The following KCNH7 variants were observed in gnomAD, a reference collection of about 807,000 sequenced individuals.
KCNH7 encodes potassium voltage-gated channel subfamily H member 7, also known as voltage-gated inwardly rectifying potassium channel KCNH7.
KCNH7 carries 49 observed loss-of-function variants against 120.8 expected under a neutral mutation model. The ratio of observed to expected loss-of-function variants is 0.41; its 90% CI spans 0.32 to 0.51. KCNH7 has a LOEUF of 0.51. KCNH7 is among the 20% of genes least tolerant of loss of function. The pLI is 0.38. For missense variants in KCNH7, 1,097 were observed against 1,446.6 expected (o/e 0.76, Z 3.92); for synonymous variants, 547 against 516.1 (o/e 1.06, Z -0.81).
intron 2 of KCNH7, among the ~76,000 whole-genome samples, chr2:162,809,388 C>T (rs1166613388): frequency 1.3e-5 from 2 of 152,134 alleles, no homozygotes; most frequent in South Asian, 2.1e-4. Context: ...CATTTTTTAA[C>T]TTGCAACACT....
At chr2:162,677,423 T>C (rs1685564033) in intron 2 of KCNH7, among the ~76,000 whole-genome samples, 1 of 151,416 alleles carries the variant, frequency 6.6e-6, no homozygotes, top group Admixed American at 6.6e-5. Context: ...CATACCTCAT[T>C]CAAGACCCCA....
In KCNH7 at chr2:162,792,430, T is replaced by C. The variant is rs866634137; in HGVS notation, c.307+44107A>G. On this transcript the variant is annotated intron_variant, in intron 2 of 15. Transcript: ENST00000332142. Reference sequence around the variant, plus strand: ...TCTGGCCCTGGCTTTTTTTGGTTAGTAAGCTATTTAATACTGACTCAATTT... The same window carrying C: ...TCTGGCCCTGGCTTTTTTTGGTTAGCAAGCTATTTAATACTGACTCAATTT... 2.6e-5 allele frequency among the ~76,000 whole-genome samples: 4 copies of C among 152,198 alleles called. No homozygotes were observed. The South Asian group carries it at 8.3e-4, about 31-fold the overall frequency.
chr2:162,778,103 A>C (rs1683322810), intron 2 of KCNH7, among the ~76,000 whole-genome samples: 1 of 152,156 alleles, frequency 6.6e-6, no homozygotes, highest in Non-Finnish European at 1.5e-5. Context: ...TTCTAAAAAA[A>C]TGAGGCTTTG....
chr2:162,531,305 A>G (rs1205290107), intron 3 of KCNH7, among the ~76,000 whole-genome samples: 3 of 151,992 alleles, frequency 2.0e-5, no homozygotes, highest in African/African-American at 7.2e-5. Flanking sequence ...TTTCAGTTTT[A>G]AACGGACACA....
chr2:162,712,524 T>A (rs1686963301), intron 2 of KCNH7, among the ~76,000 whole-genome samples: 3 of 152,154 alleles, frequency 2.0e-5, no homozygotes, highest in Non-Finnish European at 4.4e-5. Context: ...TCGTCTAAAC[T>A]CAGAATGGCT....
chr2:162,437,318 T>C (rs777597060), intron 7 of KCNH7, among the ~76,000 whole-genome samples: 1 of 152,120 alleles, frequency 6.6e-6, no homozygotes, highest in Admixed American at 6.6e-5. Flanking sequence ...TTTGGGGATG[T>C]TTAGAGAGGT....
chr2:162,481,605 C>A (rs1481958808), intron 6 of KCNH7, among the ~76,000 whole-genome samples: 1 of 152,100 alleles, frequency 6.6e-6, no homozygotes, highest in Non-Finnish European at 1.5e-5. Context: ...AGAGCAAGTG[C>A]AGAGTATATA....
At chr2:162,776,630 G>C (rs1312451249) in intron 2 of KCNH7, among the ~76,000 whole-genome samples, 1 of 152,090 alleles carries the variant, frequency 6.6e-6, no homozygotes, top group Non-Finnish European at 1.5e-5. Flanking sequence ...AGATCATGTA[G>C]TCTCTAAAAG....
chr2:162,602,916 G>C (rs1223534894), intron 2 of KCNH7, among the ~76,000 whole-genome samples: 1 of 150,704 alleles, frequency 6.6e-6, no homozygotes, highest in African/African-American at 2.4e-5. Flanking sequence ...GGAGGAGGAG[G>C]GTGAGGAGGA....
chr2:162,432,419 G>T (rs1185815117), intron 8 of KCNH7, among the ~76,000 whole-genome samples: 1 of 151,872 alleles, frequency 6.6e-6, no homozygotes, highest in Non-Finnish European at 1.5e-5. Context: ...AATATGAAAA[G>T]TACATTTTAT....
chr2:162,375,959 C>T (rs1411396359), intron 14 of KCNH7, among the ~76,000 whole-genome samples: 1 of 150,444 alleles, frequency 6.6e-6, no homozygotes, highest in Non-Finnish European at 1.5e-5. Context: ...CTGCTTTACT[C>T]AGGAGGAATT....
chr2:162,724,213 T>C (rs34610748), intron 2 of KCNH7, among the ~76,000 whole-genome samples: 3,701 of 152,200 alleles, frequency 0.024, 87 homozygotes, highest in East Asian at 0.12. Context: ...TAGCCTCCAA[T>C]TATCTGCCAG....
At chr2:162,660,801 T>G (rs1684933272) in intron 2 of KCNH7, among the ~76,000 whole-genome samples, 2 of 152,202 alleles carry the variant, frequency 1.3e-5, no homozygotes, top group Admixed American at 1.3e-4. Flanking sequence ...ACACAACCTT[T>G]AAAATGGTAT....
intron 2 of KCNH7, among the ~76,000 whole-genome samples, chr2:162,716,899 A>G (rs1034995213): frequency 1.3e-5 from 2 of 152,156 alleles, no homozygotes; most frequent in East Asian, 1.9e-4. Flanking sequence ...TATATTTATA[A>G]TTCTGGTTGT....
chr2:162,698,667 G>A (rs1686383500), intron 2 of KCNH7, among the ~76,000 whole-genome samples: 1 of 151,964 alleles, frequency 6.6e-6, no homozygotes. Flanking sequence ...CATTTACTTA[G>A]AGGAAAAATT....
chr2:162,632,138 T>C (rs147615739), intron 2 of KCNH7, among the ~76,000 whole-genome samples: 2 of 152,064 alleles, frequency 1.3e-5, no homozygotes, highest in Non-Finnish European at 2.9e-5. Flanking sequence ...ATTAATCAAC[T>C]GAAAACTACT....
chr2:162,388,328 G>GTTTA (rs1686639966), intron 12 of KCNH7, among the ~76,000 whole-genome samples: 1 of 151,610 alleles, frequency 6.6e-6, no homozygotes, highest in South Asian at 2.1e-4. Context: ...AAGTTGCTAA[G>GTTTA]AGATTAGACC....
chr2:162,440,700 T>A (rs1688390945), intron 7 of KCNH7, among the ~76,000 whole-genome samples: 1 of 152,074 alleles, frequency 6.6e-6, no homozygotes, highest in Non-Finnish European at 1.5e-5. Context: ...AAGAGGAGAT[T>A]TTTACAATTT....
chr2:162,516,324 T>C (rs916386456), intron 4 of KCNH7, among the ~76,000 whole-genome samples: 4 of 151,936 alleles, frequency 2.6e-5, no homozygotes, highest in Non-Finnish European at 4.4e-5. Context: ...AATGATTTAA[T>C]TCTTCTGGTT....
Sources: gnomAD v4.1 joint callset for allele counts (sites outside exome capture counted in the v4.1 genomes callset) on GRCh38, gnomAD v4.1.1 for gene constraint, MANE v1.5 for transcripts, NCBI Gene and HGNC (gene_info 2026-07-23, HGNC 2026-07-21) for gene names.